PYGL: variants seen among roughly 807,000 people sequenced by gnomAD.
PYGL encodes the protein glycogen phosphorylase, liver form.
Under a neutral mutation model 100.1 loss-of-function variants are expected in PYGL, and 90 were observed. The observed-to-expected ratio is 0.90, with a 90% confidence interval of 0.76 to 1.07. The LOEUF (loss-of-function observed/expected upper bound fraction) is 1.07. Ranked by LOEUF, PYGL falls within the 50% of genes least tolerant of loss-of-function variation. PYGL has a pLI of 0.00. For missense variants in PYGL, 1,016 were observed against 1,057.6 expected (o/e 0.96, Z 0.55); for synonymous variants, 373 against 393.0 (o/e 0.95, Z 0.60).
At chr14:50,931,824 C>A (rs1596048071) in intron 3 of PYGL, 48 bp from the exon 4 acceptor site, 2 of 1,507,050 alleles carry the variant, frequency 1.3e-6, no homozygotes, top group Non-Finnish European at 1.8e-6. Flanking sequence ...TAAGCTGAGC[C>A]AAAATTTCCA....
chr14:50,917,307 T>A (rs139662092), intron 7 of PYGL, among the ~76,000 whole-genome samples: 47 of 152,242 alleles, frequency 3.1e-4, no homozygotes, highest in African/African-American at 1.1e-3. Context: ...TCTAAAGGCA[T>A]ACAGATAAAA....
At chr14:50,927,955 A>T (rs182760574) in intron 4 of PYGL, among the ~76,000 whole-genome samples, 35 of 152,184 alleles carry the variant, frequency 2.3e-4, no homozygotes, top group Non-Finnish European at 4.7e-4. Flanking sequence ...CTAACATGCC[A>T]ATCATATGAA....
chr14:50,915,093 TTTTG>T (rs1434519468), intron 11 of PYGL: 56 of 630,264 alleles, frequency 8.9e-5, no homozygotes, highest in Non-Finnish European at 9.3e-5. Flanking sequence ...GTTTTTGGTA[TTTTG>T]TTTGTTTGTT....
At position 50,908,273 on chromosome 14, in the gene PYGL, T is replaced by G; in HGVS notation, c.2377A>C (p.Met793Leu). The G allele has an allele frequency of 6.3e-7, 1 of 1,584,818 alleles. No homozygotes were observed. Among genetic ancestry groups the G allele is most frequent in the Non-Finnish European group, 8.7e-7 (1 of 1,153,372 alleles). The change falls in exon 19 of 20, where the codon ATG becomes CTG. Residue 793 changes from methionine to leucine, a missense_variant and splice_region_variant. Coordinates refer to ENST00000216392, the MANE Select transcript of PYGL (RefSeq NM_002863.5). ...KCQDKVSQLY[M>L]NPKAWNTMVL... ...ATAAATCTTGGCAATTTACTCACCA[T>G]GTACAGCTGACTCACTTTATCTTGA...
intron 5 of PYGL, chr14:50,923,663 A>G: frequency 3.9e-6 from 1 of 256,466 alleles, no homozygotes; most frequent in Non-Finnish European, 7.6e-6. Context: ...CATGCTGGTT[A>G]CTATAGAACT....
Position 50,908,906 on chromosome 14 carries a change from T to C in PYGL, c.2227A>G (p.Ile743Val), listed in dbSNP as rs2050361020. The change falls in exon 18 of 20, where the codon ATT becomes GTT. Residue 743 changes from isoleucine to valine, a missense_variant. Coordinates refer to ENST00000216392, the MANE Select transcript of PYGL (RefSeq NM_002863.5). ...AAAAAGCCATTGTCAATTTGATCAA[T>C]GACCAGCTTCAGCTCTGGAAGTGCC... is the stretch of plus-strand genomic sequence containing the variant. Reference protein sequence around the residue: ...YEALPELKLVIDQIDNGFFSP... With the variant: ...YEALPELKLVVDQIDNGFFSP... The C allele has an allele frequency of 1.3e-6, 2 of 1,598,028 alleles. No individual in the cohort carries two copies. Among genetic ancestry groups the C allele is most frequent in the African/African-American group, 1.3e-5 (1 of 74,488 alleles).
chr14:50,940,413 AC>A (rs1360017883), intron 1 of PYGL, among the ~76,000 whole-genome samples: 1 of 152,248 alleles, frequency 6.6e-6, no homozygotes, highest in African/African-American at 2.4e-5. Flanking sequence ...CCACATTAGC[AC>A]GAACTTAAGT....
intron 19 of PYGL, 56 bp downstream of exon 19, chr14:50,908,215 A>G (rs2050353087): frequency 7.0e-7 from 1 of 1,423,702 alleles, no homozygotes; most frequent in African/African-American, 1.4e-5. Flanking sequence ...AAAAACCCAC[A>G]TTTTAATGAA....
intron 5 of PYGL, chr14:50,921,398 CT>C (rs765035529): frequency 0.041 from 8,104 of 199,722 alleles, 2 homozygotes; most frequent in South Asian, 0.094. Context: ...AAAAGTTTAT[CT>C]TTTTTTTTTT....
rs186983881 is a variant in PYGL at position 50,907,266 on chromosome 14, C to G, written c.2379+1005G>C. Reference sequence around the variant, plus strand: ...TTTTTTAAAAATTCAATTATGAACACCTTTCTCTTTCTACGAATTTATATT... The same window carrying G: ...TTTTTTAAAAATTCAATTATGAACAGCTTTCTCTTTCTACGAATTTATATT... On this transcript the variant is annotated intron_variant, in intron 19 of 19. Transcript: ENST00000216392. Among the ~76,000 whole-genome samples, 128 of 152,090 alleles carry G rather than the reference C, an allele frequency of 8.4e-4. 1 individual carries two copies. Among genetic ancestry groups the G allele is most frequent in the African/African-American group, 3.0e-3 (126 of 41,460 alleles).
chr14:50,924,162 AATTAT>A (rs2050526967), intron 4 of PYGL, 62 bp from the exon 5 acceptor site: 1 of 1,547,288 alleles, frequency 6.5e-7, no homozygotes, highest in South Asian at 1.1e-5. Context: ...CTAGCACTTC[AATTAT>A]ATTATATTAA....
At chr14:50,922,367 C>T (rs1052526751) in intron 5 of PYGL, among the ~76,000 whole-genome samples, 4 of 152,276 alleles carry the variant, frequency 2.6e-5, no homozygotes, top group Non-Finnish European at 2.9e-5. Context: ...GTCATACTTT[C>T]GTGATCACCG....
intron 12 of PYGL, among the ~76,000 whole-genome samples, chr14:50,914,163 C>G (rs2050424614): frequency 6.6e-6 from 1 of 152,182 alleles, no homozygotes; most frequent in Admixed American, 6.5e-5. Flanking sequence ...CTGCAACTAG[C>G]TACATAATTT....
chr14:50,938,842 G>A (rs763934548), intron 1 of PYGL, among the ~76,000 whole-genome samples: 1 of 151,996 alleles, frequency 6.6e-6, no homozygotes, highest in Non-Finnish European at 1.5e-5. Context: ...GAAGTCAGAC[G>A]GCCATAGCTC....
chr14:50,908,369 C>A (rs1220631720), intron 18 of PYGL, 32 bp from the exon 19 acceptor site: 1 of 1,509,506 alleles, frequency 6.6e-7, no homozygotes, highest in Non-Finnish European at 9.2e-7. Flanking sequence ...AGGAAAAAAA[C>A]AGTCAAAATC....
intron 3 of PYGL, among the ~76,000 whole-genome samples, chr14:50,933,217 G>C (rs2050618679): frequency 6.6e-6 from 1 of 152,226 alleles, no homozygotes; most frequent in Non-Finnish European, 1.5e-5. Flanking sequence ...TAGGCAGGCT[G>C]GTTCTTATTC....
At chr14:50,922,863 A>G (rs1256007416) in intron 5 of PYGL, among the ~76,000 whole-genome samples, 3 of 152,042 alleles carry the variant, frequency 2.0e-5, no homozygotes, top group Non-Finnish European at 4.4e-5. Flanking sequence ...TGTCTTTCAT[A>G]GGCATCCCCC....
intron 9 of PYGL, 79 bp downstream of exon 9, chr14:50,916,563 T>C (rs1325979078): frequency 1.5e-6 from 2 of 1,326,272 alleles, no homozygotes; most frequent in Admixed American, 3.4e-5. Flanking sequence ...TTTGAAAAAC[T>C]AAAAAGGGAG....
At chr14:50,932,207 G>A (rs2050607736) in intron 3 of PYGL, among the ~76,000 whole-genome samples, 1 of 152,146 alleles carries the variant, frequency 6.6e-6, no homozygotes, top group Non-Finnish European at 1.5e-5. Flanking sequence ...ACTTATATGT[G>A]TCCCATTCCC....
Sources: allele counts gnomAD v4.1 joint callset (sites outside exome capture counted in the v4.1 genomes callset), GRCh38; gene constraint gnomAD v4.1.1; transcripts MANE v1.5; gene names NCBI Gene and HGNC (gene_info 2026-07-23, HGNC 2026-07-21).